Variants in CPSF2 observed in about 807,000 individuals in gnomAD.
CPSF2 encodes the protein cleavage and polyadenylation specificity factor subunit 2.
In CPSF2, 51 loss-of-function variants were observed where a neutral mutation model predicts 84.2. The observed-to-expected ratio is 0.61, with a 90% confidence interval of 0.48 to 0.77. The LOEUF (loss-of-function observed/expected upper bound fraction) is 0.77, where lower values mean the gene tolerates loss of function less well. Among genes scored for constraint, CPSF2 ranks in the 30% least tolerant of loss-of-function variants. CPSF2 has a pLI of 0.00. For synonymous variants in CPSF2, 286 were observed against 311.9 expected (o/e 0.92, Z 0.87); for missense variants, 641 against 929.4 (o/e 0.69, Z 4.03).
chr14:92,168,300 A>C lies in CPSF2; in HGVS notation c.*6556A>C, dbSNP rs1253123518. On this transcript the variant is annotated 3_prime_UTR_variant, in exon 16 of 16. Transcript: ENST00000298875. ...GGAGCGGCTAGAGAAGGAACATTCAAATCTTCCCACGTGGGCAAGTTCCAA... is the reference window on the plus strand; with the variant it reads ...GGAGCGGCTAGAGAAGGAACATTCACATCTTCCCACGTGGGCAAGTTCCAA... 2 of 151,552 alleles carry C rather than the reference A, an allele frequency of 1.3e-5. No individual in the cohort carries two copies. Among genetic ancestry groups the C allele is most frequent in the Admixed American group, 6.6e-5 (1 of 15,208 alleles). The allele number at this position is 151,552 out of a possible 1,614,324, so 9.4% of individuals were successfully genotyped here.
Position 92,161,900 on chromosome 14 carries a change from T to G in CPSF2, c.*156T>G. 2 of 530,542 alleles carry G rather than the reference T, an allele frequency of 3.8e-6. No individual in the cohort carries two copies. Among genetic ancestry groups the G allele is most frequent in the Non-Finnish European group, 6.5e-6 (2 of 308,518 alleles). 32.9% of individuals were successfully genotyped at this position (530,542 alleles called of 1,614,324 possible). ...TTTTTAAAAATATAAATAGAGAACA[T>G]TTTGCAAATGCTCAAATGAGCATTC... On this transcript the variant is annotated 3_prime_UTR_variant, in exon 16 of 16. Transcript: ENST00000298875.
In CPSF2 at chr14:92,134,129, G is replaced by A. The variant is rs1402450389; in HGVS notation, c.268G>A (p.Val90Ile). ...CTGTGCTATCTATGCAACCATTCCT[G>A]TTTATAAAATGGGACAGATGTTCAT... ...LNCAIYATIP[V>I]YKMGQMFMYD... Residue 90 changes from valine to isoleucine, a missense_variant, in exon 4 of 16, where the codon GTT (valine) becomes ATT (isoleucine). By Grantham distance (29) the Val-to-Ile change is conservative. This residue lies in a region of CPSF2 where 211 missense variants were observed against 375.7 expected (regional missense o/e 0.56). Transcript: ENST00000298875. 6.2e-7 allele frequency: 1 copy of A among 1,614,114 alleles called. No individual in the cohort carries two copies. Among genetic ancestry groups the A allele is most frequent in the Non-Finnish European group, 8.5e-7 (1 of 1,180,016 alleles).
At chr14:92,144,379 T>G (rs1322329457) in intron 9 of CPSF2, among the ~76,000 whole-genome samples, 1 of 152,210 alleles carries the variant, frequency 6.6e-6, no homozygotes, top group Non-Finnish European at 1.5e-5. Context: ...GCCTGTAACC[T>G]TCTTATGGCT....
chr14:92,170,103 GC>G lies in CPSF2; in HGVS notation c.*8361del, dbSNP rs2069499600. ...CTAATGATCGCGCCACTGCACTCCA[GC>G]CTGGGTGACAGAGTGAGACCCTGTC... On this transcript the variant is annotated 3_prime_UTR_variant, in exon 16 of 16. Coordinates refer to ENST00000298875, the MANE Select transcript of CPSF2 (RefSeq NM_017437.3). 1.3e-5 allele frequency: 2 copies of G among 152,080 alleles called. No individual in the cohort carries two copies. The highest frequency in any genetic ancestry group is 4.8e-5 in the African/African-American group (2 of 41,442). The allele number at this position is 152,080 out of a possible 1,614,324, so 9.4% of individuals were successfully genotyped here. A position where few individuals can be genotyped will look rare whatever the true frequency, so the allele number is the denominator to read the frequency against.
At position 92,143,189 on chromosome 14, in the gene CPSF2, G is replaced by C; in HGVS notation, c.1035G>C (p.Trp345Cys). ...CGFSRDLFIQ[W>C]CQDPKNSIIL... ...TTTCAAGGGATCTCTTTATTCAGTG[G>C]TGTCAGGACCCTAAAAACTCAATCA... Residue 345 changes from tryptophan (W) to cysteine (C), a missense_variant, in exon 9 of 16, where the codon TGG becomes TGC. By Grantham distance (215) the Trp-to-Cys change is radical. This residue lies in a region of CPSF2 where 430 missense variants were observed against 553.6 expected (regional missense o/e 0.78). Coordinates refer to ENST00000298875, the MANE Select transcript of CPSF2 (RefSeq NM_017437.3). 2 of 1,613,986 alleles carry C rather than the reference G, an allele frequency of 1.2e-6. No homozygotes were observed. The highest frequency in any genetic ancestry group is 1.7e-6 in the Non-Finnish European group (2 of 1,179,968).
At chr14:92,125,776 A>G (rs908003718) in intron 1 of CPSF2, among the ~76,000 whole-genome samples, 5 of 151,432 alleles carry the variant, frequency 3.3e-5, no homozygotes, top group African/African-American at 1.2e-4. Flanking sequence ...GTATTCCTTT[A>G]CTCCTGTTAC....
chr14:92,145,821 A>G (rs1264645326), intron 9 of CPSF2, among the ~76,000 whole-genome samples: 1 of 152,222 alleles, frequency 6.6e-6, no homozygotes, highest in Non-Finnish European at 1.5e-5. Context: ...CAAAACATCA[A>G]ATGTTAAGTT....
chr14:92,128,702 T>C (rs992078031), intron 2 of CPSF2, among the ~76,000 whole-genome samples: 1 of 152,134 alleles, frequency 6.6e-6, no homozygotes, highest in African/African-American at 2.4e-5. Context: ...AGGGAAAAAG[T>C]AGTCAGCGAA....
chr14:92,154,700 T>C (rs1428208411), intron 10 of CPSF2, among the ~76,000 whole-genome samples: 1 of 152,230 alleles, frequency 6.6e-6, no homozygotes. Flanking sequence ...ATGCATCACT[T>C]AATGATGGGG....
intron 5 of CPSF2, among the ~76,000 whole-genome samples, chr14:92,134,637 T>G (rs928995768): frequency 2.6e-5 from 4 of 152,234 alleles, no homozygotes; most frequent in African/African-American, 9.6e-5. Flanking sequence ...AATGTGGCCA[T>G]TTCCTCTTCC....
At position 92,134,144 on chromosome 14, in the gene CPSF2, C is replaced by G; in HGVS notation, c.283C>G (p.Gln95Glu). Residue 95 changes from glutamine (Q) to glutamate (E), a missense_variant, in exon 4 of 16, where the codon CAG becomes GAG. Physicochemically the swap from Gln to Glu is conservative, Grantham distance 29. This residue lies in a region of CPSF2 where 211 missense variants were observed against 375.7 expected (regional missense o/e 0.56). Transcript: ENST00000298875. ...AACCATTCCTGTTTATAAAATGGGA[C>G]AGATGTTCATGTATGATCTTTATCA... ...YATIPVYKMG[Q>E]MFMYDLYQSR... 6.2e-7 allele frequency: 1 copy of G among 1,614,108 alleles called. No individual in the cohort carries two copies. Among genetic ancestry groups the G allele is most frequent in the Non-Finnish European group, 8.5e-7 (1 of 1,179,988 alleles).
intron 6 of CPSF2, among the ~76,000 whole-genome samples, chr14:92,136,248 T>G (rs887210565): frequency 6.6e-6 from 1 of 152,218 alleles, no homozygotes; most frequent in African/African-American, 2.4e-5. Context: ...CTCAGGATCT[T>G]TATATTAAGA....
chr14:92,136,102 C>A (rs956519244), intron 6 of CPSF2, among the ~76,000 whole-genome samples: 4 of 152,164 alleles, frequency 2.6e-5, no homozygotes, highest in Non-Finnish European at 4.4e-5. Context: ...GAACTCAATT[C>A]TAGTTATGAT....
chr14:92,149,789 G>C (rs1350759426), intron 9 of CPSF2, among the ~76,000 whole-genome samples: 1 of 151,950 alleles, frequency 6.6e-6, no homozygotes, highest in Non-Finnish European at 1.5e-5. Flanking sequence ...CTGAGTAGCT[G>C]GGACTACAGG....
chr14:92,149,617 T>C (rs1200408171), intron 9 of CPSF2, among the ~76,000 whole-genome samples: 1 of 152,112 alleles, frequency 6.6e-6, no homozygotes, highest in Non-Finnish European at 1.5e-5. Flanking sequence ...CTTGAGGGAA[T>C]AGTAAAAGTT....
At position 92,167,324 on chromosome 14, in the gene CPSF2, TA is replaced by T. The variant is rs951349722; in HGVS notation, c.*5581del. On this transcript the variant is annotated 3_prime_UTR_variant, in exon 16 of 16. Transcript: ENST00000298875. ...ACCATACTCAGCCTAAGATTCAGCT[TA>T]CCAATTTCTGCAAAAAAGCCCACTC... is the stretch of plus-strand genomic sequence containing the variant. The T allele has an allele frequency of 1.3e-5, 2 of 152,102 alleles. No individual in the cohort carries two copies. The highest frequency in any genetic ancestry group is 2.9e-5 in the Non-Finnish European group (2 of 68,006). The allele number at this position is 152,102 out of a possible 1,614,324, so 9.4% of individuals were successfully genotyped here.
At chr14:92,124,953 T>C (rs1407072778) in intron 1 of CPSF2, among the ~76,000 whole-genome samples, 1 of 152,140 alleles carries the variant, frequency 6.6e-6, no homozygotes, top group East Asian at 1.9e-4. Flanking sequence ...TGTGGGAATT[T>C]GTAAGGAGGT....
In CPSF2 at chr14:92,162,957, GC is replaced by G. The variant is rs2069394711; in HGVS notation, c.*1214del. 6.6e-6 allele frequency: 1 copy of G among 152,120 alleles called. No individual in the cohort carries two copies. The highest frequency in any genetic ancestry group is 6.6e-5 in the Admixed American group (1 of 15,254). 9.4% of individuals were successfully genotyped at this position (152,120 alleles called of 1,614,324 possible). On this transcript the variant is annotated 3_prime_UTR_variant, in exon 16 of 16. Transcript: ENST00000298875. ...GAGACAGAGTCACCCAGGCTGGAGT[GC>G]AGTGGTGAGATTTTGGCTCACTATA...
intron 3 of CPSF2, among the ~76,000 whole-genome samples, chr14:92,133,542 G>T (rs930622427): frequency 1.3e-5 from 2 of 151,856 alleles, no homozygotes; most frequent in African/African-American, 4.8e-5. Context: ...TCTCATCAAG[G>T]TCAACCTCCT....
Sources: gnomAD v4.1 joint callset for allele counts (sites outside exome capture counted in the v4.1 genomes callset) on GRCh38, gnomAD v4.1.1 for gene constraint, gnomAD v4.1.1 regional missense constraint, MANE v1.5 for transcripts, NCBI Gene and HGNC (gene_info 2026-07-23, HGNC 2026-07-21) for gene names.